DOCK9: variants seen among roughly 807,000 people sequenced by gnomAD.
DOCK9 encodes dedicator of cytokinesis 9.
In DOCK9, 89 loss-of-function variants were observed where a neutral mutation model predicts 263.3. The observed-to-expected ratio is 0.34, with a 90% CI of 0.28 to 0.40. The LOEUF is 0.40. DOCK9 is among the 10% of genes least tolerant of loss of function. The pLI is 1.00. For synonymous variants in DOCK9, 976 were observed against 973.1 expected, an observed-to-expected ratio of 1.00 and a Z score of -0.06; for missense variants, 2,140 against 2,603.4, an observed-to-expected ratio of 0.82 and a Z score of 3.87.
chr13:98,883,946 T>C, intron 21 of DOCK9, 47 bp from the exon 22 acceptor site: 1 of 1,417,914 alleles, frequency 7.1e-7, no homozygotes, highest in Non-Finnish European at 9.7e-7. Context: ...TTAGTTATTT[T>C]GGCTCTAACA....
intron 3 of DOCK9, among the ~76,000 whole-genome samples, chr13:98,928,293 T>C (rs2053364783): frequency 6.6e-6 from 1 of 152,216 alleles, no homozygotes; most frequent in Admixed American, 6.5e-5. Context: ...AATTCAATAA[T>C]ATTTTGAAGT....
In DOCK9 at chr13:98,973,821, C is replaced by T. The variant is rs571884121; in HGVS notation, c.126+3963G>A. Among the ~76,000 whole-genome samples, 109 of 152,258 alleles carry T rather than the reference C, an allele frequency of 7.2e-4. 1 individual carries two copies. In the South Asian group the frequency reaches 0.022, roughly 30 times the overall value. On this transcript the variant is annotated intron_variant, in intron 1 of 52. Coordinates refer to ENST00000682017, the MANE Select transcript of DOCK9 (RefSeq NM_001366683.2). ...CCATGTTGCCCAAACTGGTTTTGAA[C>T]TCCTGAGATCAAGCAATGCCCACCT...
intron 36 of DOCK9, 27 bp from the exon 37 acceptor site, chr13:98,848,666 G>A: frequency 1.2e-6 from 2 of 1,603,162 alleles, no homozygotes; most frequent in Non-Finnish European, 1.7e-6. Flanking sequence ...AAATTATTAG[G>A]GAAATGCAAA....
chr13:98,816,867 C>T (rs1322083984), intron 45 of DOCK9, among the ~76,000 whole-genome samples: 1 of 152,002 alleles, frequency 6.6e-6, no homozygotes, highest in South Asian at 2.1e-4. Context: ...AATCTAAAAT[C>T]GCAATCAGAG....
chr13:98,879,972 A>G lies in DOCK9; in HGVS notation c.2872-3T>C, dbSNP rs768772137. The G allele has an allele frequency of 7.5e-6, 12 of 1,598,548 alleles. No homozygotes were observed. In the Admixed American group the frequency reaches 8.9e-5, roughly 12 times the overall value. On this transcript the variant is annotated splice_polypyrimidine_tract_variant and splice_region_variant and intron_variant, in intron 26 of 52. Transcript: ENST00000682017. The stretch of plus-strand genomic sequence containing the variant: ...ACATCAAAGAAAAACCATGAGTACT[A>G]AAAGAAAAAAGAACAGGACCCAGTA...
intron 26 of DOCK9, among the ~76,000 whole-genome samples, chr13:98,880,346 A>G (rs1398115407): frequency 6.6e-6 from 1 of 152,004 alleles, no homozygotes; most frequent in Non-Finnish European, 1.5e-5. Context: ...TTAATCCTCA[A>G]GAGCCAACAC....
chr13:98,992,304 G>A (rs1879997856), intron 1 of DOCK9, among the ~76,000 whole-genome samples: 1 of 152,054 alleles, frequency 6.6e-6, no homozygotes, highest in Admixed American at 6.6e-5. Flanking sequence ...GCCCTCTTCT[G>A]ACCCTCTCAG....
At chr13:98,868,051 A>G (rs761112467) in intron 28 of DOCK9, 40 bp from the exon 29 acceptor site, 3 of 1,590,346 alleles carry the variant, frequency 1.9e-6, no homozygotes, top group Admixed American at 3.5e-5. Context: ...TTCAGGTCCA[A>G]ACATTTCGGA....
At chr13:98,887,143 A>ATATATATATTTTT (rs1470080750) in intron 18 of DOCK9, among the ~76,000 whole-genome samples, 3 of 95,286 alleles carry the variant, frequency 3.1e-5, no homozygotes, top group African/African-American at 1.3e-4. Flanking sequence ...ATATATATAT[A>ATATATATATTTTT]TTTTTTTTTT....
chr13:98,860,111 C>T (rs2093817990), intron 33 of DOCK9: 2 of 1,140,298 alleles, frequency 1.8e-6, no homozygotes, highest in East Asian at 3.0e-5. Flanking sequence ...ACAGTATACA[C>T]AATCCAATTA....
intron 45 of DOCK9, among the ~76,000 whole-genome samples, chr13:98,812,624 T>TTA: frequency 2.0e-5 from 3 of 152,304 alleles, no homozygotes; most frequent in Non-Finnish European, 4.4e-5. Context: ...TACTGAATGG[T>TTA]ATGACTAGGG....
chr13:98,845,710 A>G (rs1384520992), intron 38 of DOCK9, among the ~76,000 whole-genome samples: 2 of 152,194 alleles, frequency 1.3e-5, no homozygotes, highest in Non-Finnish European at 2.9e-5. Context: ...TTTTAGGTTT[A>G]GTGCTGTAGT....
chr13:98,955,651 A>C, intron 1 of DOCK9, 100 bp from the exon 2 acceptor site: 2 of 804,102 alleles, frequency 2.5e-6, no homozygotes, highest in East Asian at 2.7e-5. Flanking sequence ...TATTTTCTAC[A>C]ATTAGAGTAT....
chr13:98,905,769 GC>G (rs1292466039), intron 9 of DOCK9, among the ~76,000 whole-genome samples: 9 of 100,976 alleles, frequency 8.9e-5, no homozygotes, highest in African/African-American at 3.0e-4. Context: ...TAATAAACTT[GC>G]TTTCACTTAA....
At chr13:98,802,731 T>C (rs991176537) in intron 49 of DOCK9, among the ~76,000 whole-genome samples, 1 of 152,124 alleles carries the variant, frequency 6.6e-6, no homozygotes, top group African/African-American at 2.4e-5. Context: ...AGGTGAGCCT[T>C]TTCCTGGTGT....
chr13:98,794,560 C>T lies in DOCK9; in HGVS notation c.*66G>A, dbSNP rs182893041. The T allele has an allele frequency of 6.5e-7, 1 of 1,533,294 alleles. No homozygotes were observed. Among genetic ancestry groups the T allele is most frequent in the Non-Finnish European group, 8.8e-7 (1 of 1,135,512 alleles). 95.0% of individuals were successfully genotyped at this position (1,533,294 alleles called of 1,614,324 possible). A position where few individuals can be genotyped will look rare whatever the true frequency, so the allele number is the denominator to read the frequency against. ...TGTGCTCGGTCTCCCCAGTGATTGGCTTTGGAAAGCATCCTGAGTTTGCAA... is the reference window on the plus strand; with the variant it reads ...TGTGCTCGGTCTCCCCAGTGATTGGTTTTGGAAAGCATCCTGAGTTTGCAA... On this transcript the variant is annotated 3_prime_UTR_variant, in exon 53 of 53. Coordinates refer to ENST00000682017, the MANE Select transcript of DOCK9 (RefSeq NM_001366683.2).
intron 13 of DOCK9, among the ~76,000 whole-genome samples, chr13:98,899,008 T>C (rs563497148): frequency 6.6e-6 from 1 of 152,308 alleles, no homozygotes; most frequent in South Asian, 2.1e-4. Flanking sequence ...AATGCAAAGT[T>C]TGATTGTCTC....
intron 1 of DOCK9, among the ~76,000 whole-genome samples, chr13:99,036,245 T>G (rs1167225824): frequency 1.3e-5 from 2 of 152,166 alleles, no homozygotes; most frequent in Non-Finnish European, 2.9e-5. Flanking sequence ...AATTCTTATG[T>G]TGAAACCCTA....
chr13:98,979,180 ATAGTAGTAGTAGTAGTAGTAG>A (rs56125832), upstream of DOCK9, among the ~76,000 whole-genome samples: 6 of 132,788 alleles, frequency 4.5e-5, no homozygotes, highest in African/African-American at 8.5e-5. Context: ...AGCAGCAGCA[ATAGTAGTAGTAGTAGTAGTAG>A]TAGTAGTAGT....
Sources: allele counts gnomAD v4.1 joint callset (sites outside exome capture counted in the v4.1 genomes callset), GRCh38; gene constraint gnomAD v4.1.1; transcripts MANE v1.5; gene names NCBI Gene and HGNC (gene_info 2026-07-23, HGNC 2026-07-21).